The following COPE variants were observed in gnomAD, a reference collection of about 807,000 sequenced individuals.
The protein encoded by COPE is coat protein complex I subunit epsilon.
In COPE, 19 loss-of-function variants were observed where a neutral mutation model predicts 42.1. That is an observed-to-expected ratio of 0.45 (90% CI 0.31 to 0.66). COPE has a LOEUF of 0.66. Ranked by LOEUF, COPE falls within the 30% of genes least tolerant of loss-of-function variation. The probability of loss-of-function intolerance (pLI) is 0.05; values close to 1 mark genes in which losing one functional copy is unlikely to be tolerated. For missense variants in COPE, 402 were observed against 416.1 expected (o/e 0.97, Z 0.30); for synonymous variants, 195 against 181.3 (o/e 1.08, Z -0.60).
In COPE at chr19:18,903,384, C is replaced by T; in HGVS notation, c.619G>A (p.Glu207Lys). Reference protein sequence around the residue: ...KLQDAYYIFQEMADKCSPTLL... With the variant: ...KLQDAYYIFQKMADKCSPTLL... The stretch of plus-strand genomic sequence containing the variant: ...GTGGGCGAGCACTTGTCAGCCATCT[C>T]CTGGAAGATGTAGTAGGCATCCTGC... Residue 207 changes from glutamate (E) to lysine (K), a missense_variant, in exon 7 of 10, where the codon GAG becomes AAG. Coordinates refer to ENST00000262812, the MANE Select transcript of COPE (RefSeq NM_007263.4). 6.2e-7 allele frequency: 1 copy of T among 1,613,278 alleles called. No homozygotes were observed. The highest frequency in any genetic ancestry group is 1.7e-5 in the Admixed American group (1 of 59,958).
At chr19:18,905,111 T>C (rs1167275424) in intron 5 of COPE, among the ~76,000 whole-genome samples, 8 of 152,096 alleles carry the variant, frequency 5.3e-5, no homozygotes, top group East Asian at 1.9e-4. Flanking sequence ...AGAGACTCAC[T>C]CCATGGAGGA....
rs755097219 is a variant in COPE, at chr19:18,899,918, C to T, written c.834G>A (p.Lys278=). ...TGAAGGGATGGGACCTGTGGGCATCCTTCAGCTGGGACAGGTATCGGTTTG... is the reference window on the plus strand; with the variant it reads ...TGAAGGGATGGGACCTGTGGGCATCTTTCAGCTGGGACAGGTATCGGTTTG... The part of the protein sequence containing the change: ...EVTNRYLSQL[K]DAHRSHPFIK... The change falls in exon 9 of 10, where the codon AAG becomes AAA. Residue 278 remains lysine, a synonymous_variant. Transcript: ENST00000262812. 7.4e-6 allele frequency: 12 copies of T among 1,613,562 alleles called. No homozygotes were observed. The South Asian group carries it at 1.2e-4, about 16-fold the overall frequency.
At chr19:18,919,101 AG>A (rs1057415038) in intron 1 of COPE, 121 bp downstream of exon 1, 1 of 957,542 alleles carries the variant, frequency 1.0e-6, no homozygotes, top group African/African-American at 1.6e-5. Flanking sequence ...ACTGTGGAAG[AG>A]GTGGCCCAAA....
At chr19:18,915,283 C>CG (rs1568323315) in intron 1 of COPE, among the ~76,000 whole-genome samples, 1 of 152,216 alleles carries the variant, frequency 6.6e-6, no homozygotes, top group African/African-American at 2.4e-5. Context: ...GGGGCGCCAT[C>CG]GGGGGCACCA....
chr19:18,913,252 C>T (rs929744287), intron 1 of COPE, among the ~76,000 whole-genome samples: 8 of 152,198 alleles, frequency 5.3e-5, no homozygotes, highest in African/African-American at 1.4e-4. Context: ...TCTCATCCCG[C>T]GCTGACACCA....
At chr19:18,912,455 T>C (rs1486501271) in intron 2 of COPE, among the ~76,000 whole-genome samples, 1 of 147,454 alleles carries the variant, frequency 6.8e-6, no homozygotes, top group Non-Finnish European at 1.5e-5. Context: ...CTACCAATTA[T>C]TTTAGGAAAA....
chr19:18,907,142 G>A, intron 3 of COPE, 30 bp from the exon 4 acceptor site: 1 of 1,601,670 alleles, frequency 6.2e-7, no homozygotes, highest in Non-Finnish European at 8.5e-7. Context: ...ACGACCCACA[G>A]CTGGGGTGGC....
At chr19:18,914,000 C>T (rs1377487035) in intron 1 of COPE, among the ~76,000 whole-genome samples, 1 of 152,196 alleles carries the variant, frequency 6.6e-6, no homozygotes, top group Non-Finnish European at 1.5e-5. Flanking sequence ...GTGTCCTCAT[C>T]CCAGGCCGCC....
intron 7 of COPE, among the ~76,000 whole-genome samples, chr19:18,901,861 G>A (rs961561468): frequency 3.3e-5 from 5 of 152,132 alleles, no homozygotes; most frequent in Admixed American, 6.6e-5. Flanking sequence ...AATGGAAAAA[G>A]CTTTGATGTC....
intron 1 of COPE, among the ~76,000 whole-genome samples, chr19:18,915,123 G>A (rs758731490): frequency 1.1e-4 from 17 of 152,170 alleles, no homozygotes; most frequent in South Asian, 4.1e-4. Context: ...AAGGAGGATC[G>A]CTTGAGCCTG....
At position 18,899,732 on chromosome 19, in the gene COPE, G is replaced by C. The variant is rs199731661; in HGVS notation, c.880-6C>G. 4,179 of 1,613,770 alleles carry C rather than the reference G, an allele frequency of 2.6e-3. 8 individuals carry two copies. The highest frequency in any genetic ancestry group is 3.8e-3 in the Middle Eastern group (23 of 6,058). On this transcript the variant is annotated splice_polypyrimidine_tract_variant and splice_region_variant and intron_variant, in intron 9 of 9. Coordinates refer to ENST00000262812, the MANE Select transcript of COPE (RefSeq NM_007263.4). ...AGCCTGTCAAAGTCGTTCTCCTTTA[G>C]CAAGACACATGGCAACACAGGGTGG...
intron 1 of COPE, 147 bp downstream of exon 1, chr19:18,919,076 A>C: frequency 1.4e-6 from 1 of 736,466 alleles, no homozygotes; most frequent in Non-Finnish European, 2.2e-6. Context: ...CGGGACAGTG[A>C]CTACTCCTCA....
intron 3 of COPE, among the ~76,000 whole-genome samples, chr19:18,910,207 T>C (rs1051920567): frequency 2.0e-5 from 3 of 152,178 alleles, no homozygotes; most frequent in African/African-American, 4.8e-5. Context: ...CTGCCGCCCA[T>C]GGGCGTTTGA....
intron 1 of COPE, among the ~76,000 whole-genome samples, chr19:18,917,796 A>C (rs534612720): frequency 5.3e-5 from 8 of 152,296 alleles, no homozygotes; most frequent in African/African-American, 1.9e-4. Context: ...AACGGGCCCC[A>C]GTAAAACAGT....
intron 1 of COPE, among the ~76,000 whole-genome samples, chr19:18,918,937 G>A (rs2056884617): frequency 4.6e-5 from 7 of 152,222 alleles, no homozygotes; most frequent in Admixed American, 3.9e-4. Context: ...AGGTATGGCT[G>A]AACAAAATAG....
In COPE at chr19:18,919,387, C is replaced by T. The variant is rs1290877749; in HGVS notation, c.-39G>A. 8.7e-6 allele frequency: 14 copies of T among 1,603,444 alleles called. No homozygotes were observed. The highest frequency in any genetic ancestry group is 4.4e-5 in the South Asian group (4 of 90,446). ...CACCAGCTCCTCTTCCTGAAAGACA[C>T]GTCAGCCGGAAGCAAGACACGGGCA... On this transcript the variant is annotated 5_prime_UTR_variant, in exon 1 of 10. It adds an upstream start codon to the 5' untranslated region. Coordinates refer to ENST00000262812, the MANE Select transcript of COPE (RefSeq NM_007263.4).
chr19:18,919,131 G>A (rs550257697), intron 1 of COPE, 92 bp downstream of exon 1: 1 of 1,421,426 alleles, frequency 7.0e-7, no homozygotes, highest in Non-Finnish European at 9.7e-7. Flanking sequence ...GAAGAAAAGA[G>A]AAAGTTTTTA....
In COPE at chr19:18,905,647, GGGGCGGTCAGC is replaced by G; in HGVS notation, c.444-29_444-19del. 1 of 1,587,598 alleles carries G rather than the reference GGGGCGGTCAGC, an allele frequency of 6.3e-7. No individual in the cohort carries two copies. Among genetic ancestry groups the G allele is most frequent in the Non-Finnish European group, 8.5e-7 (1 of 1,175,638 alleles). ...TGGCTGTGCTGCAGGACAGGGCGAG[GGGGCGGTCAGC>G]GGGTCGCCACAGACACATTGCATGG... On this transcript the variant is annotated intron_variant, in intron 4 of 9. Transcript: ENST00000262812.
intron 8 of COPE, 99 bp downstream of exon 8, chr19:18,900,282 A>G (rs2056685179): frequency 8.0e-6 from 8 of 995,478 alleles, no homozygotes; most frequent in Non-Finnish European, 1.2e-5. Flanking sequence ...TACTGTATAC[A>G]GAGTTTTCCC....
Sources: allele counts gnomAD v4.1 joint callset (sites outside exome capture counted in the v4.1 genomes callset), GRCh38; gene constraint gnomAD v4.1.1; transcripts MANE v1.5; gene names NCBI Gene and HGNC (gene_info 2026-07-23, HGNC 2026-07-21).